Variants in TIA1 observed in about 807,000 individuals in gnomAD.
TIA1 encodes the protein cytotoxic granule associated RNA binding protein TIA1.
In TIA1, 23 loss-of-function variants were observed where a neutral mutation model predicts 65.9. The observed-to-expected ratio is 0.35, with a 90% CI of 0.25 to 0.49. TIA1 has a LOEUF of 0.49. Ranked by LOEUF, TIA1 falls within the 20% of genes least tolerant of loss-of-function variation. The pLI is 0.98. For synonymous variants in TIA1, 147 were observed against 149.4 expected, an observed-to-expected ratio of 0.98 and a Z score of 0.12; for missense variants, 371 against 477.9, an observed-to-expected ratio of 0.78 and a Z score of 2.09.
At chr2:70,218,248 T>C (rs978334639) in intron 7 of TIA1, among the ~76,000 whole-genome samples, 1 of 152,102 alleles carries the variant, frequency 6.6e-6, no homozygotes, top group African/African-American at 2.4e-5. Flanking sequence ...GTCAAAACAA[T>C]GAGGAAGAAA....
rs1348097942 is a variant in TIA1 at position 70,211,182 on chromosome 2, T to C, written c.*1537A>G. Reference sequence around the variant, plus strand: ...TTGAGTAAAGGAAGAAGGAGGTTTGTGATCTTCACTGAAAACAAAGTGAAA... The same window carrying C: ...TTGAGTAAAGGAAGAAGGAGGTTTGCGATCTTCACTGAAAACAAAGTGAAA... On this transcript the variant is annotated 3_prime_UTR_variant, in exon 13 of 13. Transcript: ENST00000433529. 2 of 152,166 alleles carry C rather than the reference T, an allele frequency of 1.3e-5. No homozygotes were observed. The highest frequency in any genetic ancestry group is 2.9e-5 in the Non-Finnish European group (2 of 68,046). The allele number at this position is 152,166 out of a possible 1,614,324, so 9.4% of individuals were successfully genotyped here. A position where few individuals can be genotyped will look rare whatever the true frequency, so the allele number is the denominator to read the frequency against.
intron 2 of TIA1, among the ~76,000 whole-genome samples, chr2:70,235,045 C>G (rs1285345108): frequency 6.6e-6 from 1 of 152,010 alleles, no homozygotes; most frequent in Non-Finnish European, 1.5e-5. Flanking sequence ...AACAAACAAA[C>G]AAACAAACAA....
At chr2:70,248,303 G>T (rs1319443420) in intron 1 of TIA1, 102 bp downstream of exon 1, 20 of 1,348,416 alleles carry the variant, frequency 1.5e-5, no homozygotes, top group Non-Finnish European at 2.0e-5. Context: ...CCACGATATC[G>T]CGGTGTCCAC....
intron 1 of TIA1, among the ~76,000 whole-genome samples, chr2:70,240,665 T>TA (rs1278450020): frequency 6.6e-6 from 1 of 152,092 alleles, no homozygotes; most frequent in Non-Finnish European, 1.5e-5. Context: ...GACCAGGAGT[T>TA]AGAGACCAGC....
Position 70,216,308 on chromosome 2 carries a change from C to A in TIA1, c.680-16G>T, listed in dbSNP as rs376208319. The A allele has an allele frequency of 2.9e-5, 46 of 1,581,776 alleles. No individual in the cohort carries two copies. Among genetic ancestry groups the A allele is most frequent in the Middle Eastern group, 1.7e-4 (1 of 5,924 alleles). ...ATTAGTTGTTCTGTTAGACAAAAAA[C>A]CAAAACAAACAAATCACACTAAGTT... On this transcript the variant is annotated splice_polypyrimidine_tract_variant and intron_variant, in intron 9 of 12. Transcript: ENST00000433529.
chr2:70,247,912 C>T (rs1461284455), intron 1 of TIA1, among the ~76,000 whole-genome samples: 1 of 151,112 alleles, frequency 6.6e-6, no homozygotes, highest in East Asian at 1.9e-4. Context: ...AAAATGAGTA[C>T]AAGCACCCTC....
intron 5 of TIA1, chr2:70,228,293 T>C (rs1341825769): frequency 5.6e-6 from 7 of 1,251,760 alleles, no homozygotes; most frequent in Non-Finnish European, 7.2e-6. Context: ...GCTAGCTACA[T>C]GATATATACT....
intron 5 of TIA1, 143 bp downstream of exon 5, chr2:70,228,916 G>T: frequency 1.4e-6 from 2 of 1,455,860 alleles, no homozygotes; most frequent in Non-Finnish European, 1.8e-6. Flanking sequence ...ACACTGAGAA[G>T]GGAGAAAAGT....
intron 2 of TIA1, among the ~76,000 whole-genome samples, chr2:70,235,541 A>AGTGTGTGTGTGTGTGT (rs145663932): frequency 6.7e-4 from 98 of 147,318 alleles, no homozygotes; most frequent in African/African-American, 2.0e-3. Context: ...TAGATGAATG[A>AGTGTGTGTGTGTGTGT]GTGTGTGTGT....
chr2:70,239,976 A>T (rs1342269762), intron 1 of TIA1, among the ~76,000 whole-genome samples: 1 of 152,252 alleles, frequency 6.6e-6, no homozygotes, highest in Admixed American at 6.5e-5. Context: ...AGATAGTATT[A>T]AATTAACAAT....
At chr2:70,248,781 T>G, upstream of TIA1, 1 of 386,466 alleles carries the variant, frequency 2.6e-6, no homozygotes, top group East Asian at 4.2e-5. Flanking sequence ...GAGGGACGCC[T>G]CAGACTGCGC....
At chr2:70,227,637 AAATT>A (rs1434060634) in intron 6 of TIA1, 94 bp downstream of exon 6, 3 of 776,256 alleles carry the variant, frequency 3.9e-6, no homozygotes, top group African/African-American at 3.5e-5. Context: ...TCAAGTTATA[AAATT>A]AATGTACAAA....
At position 70,242,494 on chromosome 2, in the gene TIA1, C is replaced by CAAAAAAAAAA. The variant is rs11380260; in HGVS notation, c.26+5901_26+5910dup. On this transcript the variant is annotated intron_variant, in intron 1 of 12. Transcript: ENST00000433529. Reference sequence around the variant, plus strand: ...AGCCTGAGTGACAGAGACTCAGTCTCAAAAAAAAAAAAAAAAAAAAAAAAA... The same window carrying CAAAAAAAAAA: ...AGCCTGAGTGACAGAGACTCAGTCTCAAAAAAAAAAAAAAAAAAAAAAAAAAAAAAAAAAA... Among the ~76,000 whole-genome samples, 180 of 33,466 alleles carry CAAAAAAAAAA rather than the reference C, an allele frequency of 5.4e-3. 38 individuals carry two copies. Among genetic ancestry groups the CAAAAAAAAAA allele is most frequent in the Middle Eastern group, 0.036 (1 of 28 alleles). The allele number at this position is 33,466 out of a possible 152,430, so 22.0% of individuals were successfully genotyped here.
At chr2:70,228,951 A>G in intron 5 of TIA1, 108 bp downstream of exon 5, 1 of 1,033,018 alleles carries the variant, frequency 9.7e-7, no homozygotes, top group East Asian at 8.6e-5. Flanking sequence ...AAATAGAAAT[A>G]ATATCTCCTC....
intron 2 of TIA1, among the ~76,000 whole-genome samples, chr2:70,232,362 G>A (rs1686817463): frequency 1.3e-5 from 2 of 150,708 alleles, no homozygotes; most frequent in African/African-American, 4.9e-5. Flanking sequence ...CCAACATGGT[G>A]AAACCCTGTC....
At chr2:70,224,351 T>C (rs952575695) in intron 7 of TIA1, 1 of 593,184 alleles carries the variant, frequency 1.7e-6, no homozygotes, top group Non-Finnish European at 2.8e-6. Context: ...ACTTTCTACA[T>C]TCTGAAAACA....
intron 6 of TIA1, chr2:70,225,113 C>A: frequency 3.0e-6 from 3 of 1,002,702 alleles, no homozygotes; most frequent in Non-Finnish European, 3.6e-6. Context: ...TTTTTCAGAT[C>A]AATTTATACC....
intron 1 of TIA1, among the ~76,000 whole-genome samples, chr2:70,245,053 T>C (rs982168800): frequency 6.6e-6 from 1 of 152,066 alleles, no homozygotes; most frequent in South Asian, 2.1e-4. Context: ...TGGCGTGATC[T>C]CGGCTCACTG....
intron 6 of TIA1, chr2:70,225,426 T>G: frequency 7.8e-7 from 1 of 1,287,052 alleles, no homozygotes; most frequent in Non-Finnish European, 1.0e-6. Context: ...TTATTTGAGA[T>G]TGAGTAAAAA....
Sources: gnomAD v4.1 joint callset for allele counts (sites outside exome capture counted in the v4.1 genomes callset) on GRCh38, gnomAD v4.1.1 for gene constraint, MANE v1.5 for transcripts, NCBI Gene and HGNC (gene_info 2026-07-23, HGNC 2026-07-21) for gene names.